The following SLC24A3 variants were observed in gnomAD, a reference collection of about 807,000 sequenced individuals.
SLC24A3 encodes the protein solute carrier family 24 member 3.
In SLC24A3, 28 loss-of-function variants were observed where a neutral mutation model predicts 75.8. That is an observed-to-expected ratio of 0.37 (90% CI 0.27 to 0.51). The LOEUF is 0.51. SLC24A3 is among the 20% of genes least tolerant of loss of function. SLC24A3 has a pLI of 0.94. For missense variants in SLC24A3, 663 were observed against 847.8 expected, an observed-to-expected ratio of 0.78 and a Z score of 2.71; for synonymous variants, 372 against 334.1, an observed-to-expected ratio of 1.11 and a Z score of -1.24.
At position 19,715,282 on chromosome 20, in the gene SLC24A3, T is replaced by C. The variant is rs1194911272; in HGVS notation, c.1720-2246T>C. On this transcript the variant is annotated intron_variant, in intron 15 of 16. Coordinates refer to ENST00000328041, the MANE Select transcript of SLC24A3 (RefSeq NM_020689.4). ...GCAGTCTTGTATGCTGGCCTCTTTA[T>C]ACCAACCCAGCTGATGAAAGTAGGA... Among the ~76,000 whole-genome samples the C allele has an allele frequency of 2.0e-5, 3 of 152,216 alleles. No homozygotes were observed. In the East Asian group the frequency reaches 5.8e-4, roughly 29 times the overall value.
intron 2 of SLC24A3, among the ~76,000 whole-genome samples, chr20:19,471,776 G>A (rs1987876676): frequency 6.6e-6 from 1 of 152,128 alleles, no homozygotes; most frequent in African/African-American, 2.4e-5. Flanking sequence ...CTGCAGCACT[G>A]TCTATAATTA....
In SLC24A3 at chr20:19,260,084, A is replaced by G. The variant is rs570597838; in HGVS notation, c.143-20875A>G. Among the ~76,000 whole-genome samples, 6 of 152,322 alleles carry G rather than the reference A, an allele frequency of 3.9e-5. No homozygotes were observed. The South Asian group carries it at 1.2e-3, about 32-fold the overall frequency. On this transcript the variant is annotated intron_variant, in intron 1 of 16. Coordinates refer to ENST00000328041, the MANE Select transcript of SLC24A3 (RefSeq NM_020689.4). ...ACCAGGCCCAGCTCTGCTGCTGCACAGCCTGTGAACCTGAGGTGATCAACT... is the reference window on the plus strand; with the variant it reads ...ACCAGGCCCAGCTCTGCTGCTGCACGGCCTGTGAACCTGAGGTGATCAACT...
chr20:19,500,775 A>G (rs4813359), intron 2 of SLC24A3, among the ~76,000 whole-genome samples: 62,852 of 152,004 alleles, frequency 0.41, 13,711 homozygotes, highest in African/African-American at 0.54. Context: ...GAGGTGCAAC[A>G]CAGCTTCTTC....
chr20:19,448,453 C>T (rs762551027), intron 2 of SLC24A3, among the ~76,000 whole-genome samples: 2 of 152,190 alleles, frequency 1.3e-5, no homozygotes, highest in African/African-American at 2.4e-5. Flanking sequence ...ATGCAAGCCT[C>T]GTCCGCCTGA....
intron 1 of SLC24A3, among the ~76,000 whole-genome samples, chr20:19,280,399 G>C (rs1490528030): frequency 6.6e-6 from 1 of 152,156 alleles, no homozygotes; most frequent in African/African-American, 2.4e-5. Context: ...TCAATGGTGG[G>C]TGGTTCATTT....
At chr20:19,509,018 T>A (rs752135573) in intron 2 of SLC24A3, among the ~76,000 whole-genome samples, 1 of 152,244 alleles carries the variant, frequency 6.6e-6, no homozygotes, top group Non-Finnish European at 1.5e-5. Flanking sequence ...GAGATGAATG[T>A]GTCCTCTGCC....
chr20:19,375,051 C>T (rs1033843533), intron 2 of SLC24A3, among the ~76,000 whole-genome samples: 26 of 152,126 alleles, frequency 1.7e-4, no homozygotes, highest in Admixed American at 4.6e-4. Context: ...ACCACTCATG[C>T]CTCATTGGCT....
chr20:19,697,017 A>C (rs1421532519), intron 14 of SLC24A3, 106 bp downstream of exon 14: 1 of 268,058 alleles, frequency 3.7e-6, no homozygotes, highest in Non-Finnish European at 7.5e-6. Flanking sequence ...GAGAAGAGAA[A>C]GGGAGGGAGA....
intron 2 of SLC24A3, among the ~76,000 whole-genome samples, chr20:19,346,830 A>G (rs1043468173): frequency 1.3e-5 from 2 of 151,088 alleles, no homozygotes; most frequent in Non-Finnish European, 2.9e-5. Flanking sequence ...GATCCCCAAA[A>G]CCTATTGAAA....
intron 2 of SLC24A3, among the ~76,000 whole-genome samples, chr20:19,508,372 C>T (rs1988490275): frequency 6.6e-6 from 1 of 152,110 alleles, no homozygotes; most frequent in African/African-American, 2.4e-5. Context: ...CTGCAGCAGC[C>T]CATGTTCCTT....
rs2031984046 is a variant in SLC24A3 at position 19,635,123 on chromosome 20, A to G, written c.613-18939A>G. Among the ~76,000 whole-genome samples the G allele has an allele frequency of 2.0e-5, 3 of 152,338 alleles. No individual in the cohort carries two copies. The South Asian group carries it at 6.2e-4, about 32-fold the overall frequency. ...GAATCTCACTGCTGGTTCTCAGAAC[A>G]GACACTTACCTCCCCTGACTACAAG... On this transcript the variant is annotated intron_variant, in intron 6 of 16. Coordinates refer to ENST00000328041, the MANE Select transcript of SLC24A3 (RefSeq NM_020689.4).
chr20:19,326,918 C>T (rs1401680523), intron 2 of SLC24A3, among the ~76,000 whole-genome samples: 1 of 152,080 alleles, frequency 6.6e-6, no homozygotes, highest in Non-Finnish European at 1.5e-5. Flanking sequence ...ATTTGGAAAT[C>T]CAGGAAAAGT....
intron 3 of SLC24A3, among the ~76,000 whole-genome samples, chr20:19,535,287 C>T (rs184996330): frequency 4.4e-4 from 67 of 152,318 alleles, no homozygotes; most frequent in Non-Finnish European, 1.3e-4. Flanking sequence ...CTGGACTCAA[C>T]TGCGTGGTTC....
In SLC24A3 at chr20:19,325,807, G is replaced by T. The variant is rs1278666302; in HGVS notation, c.271+44720G>T. 5.0e-3 allele frequency among the ~76,000 whole-genome samples: 440 copies of T among 87,322 alleles called. 1 individual carries two copies. The highest frequency in any genetic ancestry group is 7.9e-3 in the East Asian group (25 of 3,156). The allele number at this position is 87,322 out of a possible 152,430, so 57.3% of individuals were successfully genotyped here. On this transcript the variant is annotated intron_variant, in intron 2 of 16. Transcript: ENST00000328041. ...ATATATATATATATAGAGAGAGAGA[G>T]AGAGAGAGAGAGAGAGAGAGAGAGA...
chr20:19,495,489 C>T (rs958591505), intron 2 of SLC24A3, among the ~76,000 whole-genome samples: 3 of 152,170 alleles, frequency 2.0e-5, no homozygotes, highest in Non-Finnish European at 4.4e-5. Context: ...TGTAGAGCAT[C>T]GCCAGCTGTG....
chr20:19,359,355 T>A (rs1328707859), intron 2 of SLC24A3, among the ~76,000 whole-genome samples: 2 of 152,188 alleles, frequency 1.3e-5, no homozygotes, highest in Non-Finnish European at 2.9e-5. Flanking sequence ...CAGGAAATAT[T>A]TCCTATGAAT....
chr20:19,696,608 C>T, intron 13 of SLC24A3, 189 bp from the exon 14 acceptor site: 1 of 495,292 alleles, frequency 2.0e-6, no homozygotes, highest in African/African-American at 1.9e-5. Flanking sequence ...ACAGCACCGT[C>T]CCCTGACCTG....
At chr20:19,242,618 C>T (rs1336040852) in intron 1 of SLC24A3, 2 of 152,102 alleles carry the variant, frequency 1.3e-5, no homozygotes, top group African/African-American at 4.8e-5. Context: ...CATGACCTTC[C>T]TACAGATATA....
At chr20:19,571,096 G>C (rs1371669589) in intron 3 of SLC24A3, among the ~76,000 whole-genome samples, 6 of 152,058 alleles carry the variant, frequency 3.9e-5, no homozygotes, top group African/African-American at 1.2e-4. Flanking sequence ...GGGTCACCTG[G>C]GTTCAAATCC....
Sources: gnomAD v4.1 joint callset for allele counts (sites outside exome capture counted in the v4.1 genomes callset) on GRCh38, gnomAD v4.1.1 for gene constraint, MANE v1.5 for transcripts, NCBI Gene and HGNC (gene_info 2026-07-23, HGNC 2026-07-21) for gene names.